Variants in CDH13 observed in about 807,000 individuals in gnomAD.
CDH13 encodes the protein cadherin 13.
Under a neutral mutation model 63.8 loss-of-function variants are expected in CDH13, and 24 were observed. That is an observed-to-expected ratio of 0.38 (90% CI 0.27 to 0.53). The LOEUF (loss-of-function observed/expected upper bound fraction) is 0.53, where lower values mean the gene tolerates loss of function less well. Among genes scored for constraint, CDH13 ranks in the 20% least tolerant of loss-of-function variants. CDH13 has a pLI of 0.85. For missense variants in CDH13, 1,049 were observed against 903.1 expected (o/e 1.16, Z -2.07); for synonymous variants, 503 against 355.3 (o/e 1.42, Z -4.67).
At chr16:82,833,905 C>T (rs2038652721) in intron 1 of CDH13, among the ~76,000 whole-genome samples, 1 of 152,176 alleles carries the variant, frequency 6.6e-6, no homozygotes, top group Non-Finnish European at 1.5e-5. Context: ...CATAATAATG[C>T]TACTGCATTT....
chr16:83,300,756 A>G (rs1463129493), intron 5 of CDH13, among the ~76,000 whole-genome samples: 1 of 152,220 alleles, frequency 6.6e-6, no homozygotes, highest in Non-Finnish European at 1.5e-5. Flanking sequence ...TGATTTATGC[A>G]GTTTATATAT....
intron 6 of CDH13, among the ~76,000 whole-genome samples, chr16:83,453,136 T>A (rs2072927734): frequency 6.6e-6 from 1 of 152,166 alleles, no homozygotes; most frequent in Non-Finnish European, 1.5e-5. Flanking sequence ...AACCAAACAT[T>A]GTGTGTTCTC....
intron 4 of CDH13, among the ~76,000 whole-genome samples, chr16:83,167,237 C>T (rs1364650625): frequency 6.6e-6 from 1 of 151,386 alleles, no homozygotes; most frequent in Non-Finnish European, 1.5e-5. Flanking sequence ...TGGCTCACGC[C>T]TGTAATCCCA....
At chr16:83,430,391 A>T (rs1373292541) in intron 6 of CDH13, among the ~76,000 whole-genome samples, 1 of 152,260 alleles carries the variant, frequency 6.6e-6, no homozygotes, top group Non-Finnish European at 1.5e-5. Context: ...AGGAAAATGA[A>T]TAAATGAAAA....
At chr16:82,641,505 T>C (rs575509832) in intron 1 of CDH13, among the ~76,000 whole-genome samples, 1 of 152,320 alleles carries the variant, frequency 6.6e-6, no homozygotes, top group African/African-American at 2.4e-5. Flanking sequence ...CCTGCAGATA[T>C]TCTCTTTCCC....
intron 1 of CDH13, among the ~76,000 whole-genome samples, chr16:82,694,604 A>G (rs1021024555): frequency 6.6e-6 from 1 of 152,162 alleles, no homozygotes; most frequent in Non-Finnish European, 1.5e-5. Flanking sequence ...ACCTCTGTTA[A>G]TACTCAGCTT....
At chr16:82,954,015 T>C (rs1905679502) in intron 2 of CDH13, 1 of 152,126 alleles carries the variant, frequency 6.6e-6, no homozygotes, top group South Asian at 2.1e-4. Flanking sequence ...CTCAGACATT[T>C]ATGGGCTCAG....
intron 2 of CDH13, among the ~76,000 whole-genome samples, chr16:83,025,094 T>C (rs1915677772): frequency 6.6e-6 from 1 of 152,126 alleles, no homozygotes; most frequent in Non-Finnish European, 1.5e-5. Context: ...GTAGCTTCCT[T>C]AGTGCCCAGA....
intron 9 of CDH13, among the ~76,000 whole-genome samples, chr16:83,671,527 G>C (rs1291258781): frequency 6.6e-6 from 1 of 152,196 alleles, no homozygotes; most frequent in African/African-American, 2.4e-5. Flanking sequence ...GGAGTTACAA[G>C]TGTGAGCCAC....
intron 1 of CDH13, among the ~76,000 whole-genome samples, chr16:82,736,757 C>G (rs943470160): frequency 6.6e-6 from 1 of 152,230 alleles, no homozygotes; most frequent in Non-Finnish European, 1.5e-5. Flanking sequence ...CACTCACTCT[C>G]TTACCCTTTC....
chr16:83,695,912 G>T (rs1250446088), intron 10 of CDH13, among the ~76,000 whole-genome samples: 1 of 147,476 alleles, frequency 6.8e-6, no homozygotes, highest in Non-Finnish European at 1.5e-5. Context: ...TTTTTTTTGA[G>T]ACTGGGTCTG....
intron 1 of CDH13, chr16:82,826,672 C>T (rs2038271342): frequency 6.6e-6 from 1 of 152,172 alleles, no homozygotes; most frequent in African/African-American, 2.4e-5. Flanking sequence ...TTGCTTCGTA[C>T]AATGAAGAGT....
chr16:82,934,800 A>G (rs2042614047), intron 2 of CDH13, among the ~76,000 whole-genome samples: 1 of 152,202 alleles, frequency 6.6e-6, no homozygotes. Context: ...TTCAGTTCTC[A>G]ACAAGTTCCT....
chr16:83,460,516 C>T (rs185744546), intron 6 of CDH13, among the ~76,000 whole-genome samples: 220 of 152,218 alleles, frequency 1.4e-3, no homozygotes, highest in Admixed American at 4.0e-3. Context: ...GCAGTGTGTA[C>T]GTCTGATGAA....
chr16:83,120,399 A>C (rs1567849399), intron 3 of CDH13, among the ~76,000 whole-genome samples: 1 of 152,146 alleles, frequency 6.6e-6, no homozygotes, highest in African/African-American at 2.4e-5. Context: ...TGGGTATGAA[A>C]ACACAAGAAA....
chr16:83,005,329 C>T (rs1317093983), intron 2 of CDH13, among the ~76,000 whole-genome samples: 3 of 152,152 alleles, frequency 2.0e-5, no homozygotes, highest in Non-Finnish European at 4.4e-5. Context: ...CAGGCCCCAG[C>T]CCCTCCTCAC....
chr16:83,291,920 T>G (rs1480563526), intron 5 of CDH13, among the ~76,000 whole-genome samples: 1 of 152,192 alleles, frequency 6.6e-6, no homozygotes, highest in African/African-American at 2.4e-5. Flanking sequence ...TCCTCCAAGT[T>G]GTTTTTAACA....
At chr16:83,361,938 T>C (rs542310680) in intron 6 of CDH13, among the ~76,000 whole-genome samples, 1 of 152,280 alleles carries the variant, frequency 6.6e-6, no homozygotes, top group South Asian at 2.1e-4. Flanking sequence ...TGAATTTTAA[T>C]AGTTTTTCTA....
At chr16:83,097,822 C>G (rs115121373) in intron 3 of CDH13, among the ~76,000 whole-genome samples, 2 of 152,096 alleles carry the variant, frequency 1.3e-5, no homozygotes, top group African/African-American at 4.8e-5. Context: ...TTTTAGAGAG[C>G]CTTTAATATC....
Sources: allele counts gnomAD v4.1 joint callset (sites outside exome capture counted in the v4.1 genomes callset), GRCh38; gene constraint gnomAD v4.1.1; transcripts MANE v1.5; gene names NCBI Gene and HGNC (gene_info 2026-07-23, HGNC 2026-07-21).